WDR27: variants seen among roughly 807,000 people sequenced by gnomAD.
WDR27 encodes WD repeat domain 27.
WDR27 carries 100 observed loss-of-function variants against 114.4 expected under a neutral mutation model. The observed-to-expected ratio is 0.87, with a 90% CI of 0.74 to 1.03. The LOEUF (loss-of-function observed/expected upper bound fraction) is 1.03, where lower values mean the gene tolerates loss of function less well. Among genes scored for constraint, WDR27 ranks in the 50% least tolerant of loss-of-function variants. WDR27 has a pLI of 0.00. For synonymous variants in WDR27, 449 were observed against 423.1 expected (o/e 1.06, Z -0.75); for missense variants, 1,129 against 1,092.9 (o/e 1.03, Z -0.47).
intron 8 of WDR27, among the ~76,000 whole-genome samples, chr6:169,662,914 T>C (rs6925487): frequency 0.068 from 7,245 of 106,896 alleles, 164 homozygotes; most frequent in African/African-American, 0.083. Flanking sequence ...CCCAGCATGA[T>C]GCGTGTGCAC....
downstream of WDR27, among the ~76,000 whole-genome samples, chr6:169,456,678 T>C (rs2115240141): frequency 6.6e-6 from 1 of 152,216 alleles, no homozygotes; most frequent in African/African-American, 2.4e-5. The surrounding 1 kb of genome is among the most constrained non-coding windows in gnomAD (Gnocchi z 4.0). Context: ...CCAGAAGCCA[T>C]GCTGTGCACA....
At chr6:169,682,270 T>C (rs143191363) in intron 2 of WDR27, among the ~76,000 whole-genome samples, 2,473 of 152,306 alleles carry the variant, frequency 0.016, 40 homozygotes, top group African/African-American at 0.041. Flanking sequence ...CTCTCACTGC[T>C]GTTAGAAAAC....
intron 24 of WDR27, among the ~76,000 whole-genome samples, chr6:169,582,564 G>T (rs577695156): frequency 6.6e-6 from 1 of 152,018 alleles, no homozygotes; most frequent in African/African-American, 2.4e-5. Context: ...ATACGTTCCT[G>T]TTTCATTCAA....
chr6:169,559,182 T>C (rs1799319991), intron 25 of WDR27: 1 of 152,244 alleles, frequency 6.6e-6, no homozygotes, highest in Non-Finnish European at 1.5e-5. Flanking sequence ...CAGTGAAAGA[T>C]CAATACTATG....
intron 24 of WDR27, among the ~76,000 whole-genome samples, chr6:169,580,576 CA>C (rs1244491574): frequency 1.3e-5 from 2 of 152,182 alleles, no homozygotes; most frequent in African/African-American, 4.8e-5. Context: ...TTACTTTTAA[CA>C]AAAACTTGTC....
intron 25 of WDR27, among the ~76,000 whole-genome samples, chr6:169,516,577 A>C (rs1793671539): frequency 6.6e-6 from 1 of 152,128 alleles, no homozygotes; most frequent in African/African-American, 2.4e-5. Flanking sequence ...GACGATGTAC[A>C]AACCAAAAAC....
chr6:169,524,449 C>G (rs1794732371), intron 25 of WDR27, among the ~76,000 whole-genome samples: 1 of 152,006 alleles, frequency 6.6e-6, no homozygotes, highest in Non-Finnish European at 1.5e-5. Context: ...TTATATAGAC[C>G]CACAAAAGAC....
chr6:169,644,992 G>C (rs1399849206), intron 16 of WDR27, among the ~76,000 whole-genome samples: 2 of 46,716 alleles, frequency 4.3e-5, no homozygotes, highest in African/African-American at 1.6e-4. Context: ...CTGAGTGACA[G>C]AGCGAGACTC....
At chr6:169,657,418 C>G (rs565686969) in intron 13 of WDR27, among the ~76,000 whole-genome samples, 31 of 152,260 alleles carry the variant, frequency 2.0e-4, no homozygotes, top group African/African-American at 7.0e-4. Context: ...CCTAGCCGAG[C>G]CCGGCCCGGG....
chr6:169,482,186 C>T (rs1031109128), intron 25 of WDR27, among the ~76,000 whole-genome samples: 1 of 152,122 alleles, frequency 6.6e-6, no homozygotes, highest in Non-Finnish European at 1.5e-5. Flanking sequence ...ATTTTCTTTA[C>T]CCAGTCTATT....
chr6:169,443,549 A>C, the WDR27 span, among the ~76,000 whole-genome samples: 4 of 152,308 alleles, frequency 2.6e-5, no homozygotes, highest in East Asian at 7.7e-4. Flanking sequence ...GGCCCTGCTG[A>C]CCAACAGGAA....
chr6:169,589,650 T>C (rs1036073484), intron 23 of WDR27, among the ~76,000 whole-genome samples: 6 of 152,178 alleles, frequency 3.9e-5, no homozygotes, highest in East Asian at 1.9e-4. Flanking sequence ...GACACAGCAA[T>C]TGGAAGCCCA....
At chr6:169,434,580 TCTTG>T in the WDR27 span, among the ~76,000 whole-genome samples, 1 of 152,192 alleles carries the variant, frequency 6.6e-6, no homozygotes, top group Non-Finnish European at 1.5e-5. Context: ...TTTTTCTGAC[TCTTG>T]CTATGTTTTA....
At chr6:169,514,757 AATAT>A (rs112203960) in intron 25 of WDR27, among the ~76,000 whole-genome samples, 3 of 143,532 alleles carry the variant, frequency 2.1e-5, no homozygotes, top group Non-Finnish European at 3.0e-5. Flanking sequence ...AAAAAAAGAG[AATAT>A]ATATATATAT....
intron 25 of WDR27, among the ~76,000 whole-genome samples, chr6:169,491,684 C>A (rs1449774896): frequency 6.6e-6 from 1 of 152,116 alleles, no homozygotes; most frequent in African/African-American, 2.4e-5. Context: ...GAACCCAGGG[C>A]TGGCAGGGCT....
At chr6:169,505,812 C>T (rs1791933299) in intron 25 of WDR27, among the ~76,000 whole-genome samples, 1 of 152,202 alleles carries the variant, frequency 6.6e-6, no homozygotes, top group Non-Finnish European at 1.5e-5. Context: ...ATGCTGAGTG[C>T]TGGACCCTCC....
chr6:169,640,013 C>T (rs1256543607), intron 17 of WDR27, among the ~76,000 whole-genome samples: 1 of 152,102 alleles, frequency 6.6e-6, no homozygotes, highest in African/African-American at 2.4e-5. Flanking sequence ...AGAGGCCGCA[C>T]CCAGCCCTGC....
intron 2 of WDR27, among the ~76,000 whole-genome samples, chr6:169,676,358 G>A (rs772805199): frequency 1.2e-4 from 19 of 152,254 alleles, no homozygotes; most frequent in Admixed American, 3.3e-4. Flanking sequence ...CCTATATAAC[G>A]TGGCTTACTT....
chr6:169,534,802 C>G (rs1796029835), intron 25 of WDR27, among the ~76,000 whole-genome samples: 3 of 151,458 alleles, frequency 2.0e-5, no homozygotes, highest in Admixed American at 2.0e-4. Context: ...AGCTCTAGCT[C>G]TTATTCTTTG....
Sources: allele counts gnomAD v4.1 joint callset (sites outside exome capture counted in the v4.1 genomes callset), GRCh38; gene constraint gnomAD v4.1.1; non-coding constraint Gnocchi (gnomAD v3.1); transcripts MANE v1.5; gene names NCBI Gene and HGNC (gene_info 2026-07-23, HGNC 2026-07-21).